Variants in KDM3A observed in about 807,000 individuals in gnomAD.
KDM3A encodes lysine demethylase 3A.
A neutral mutation model predicts 158.0 loss-of-function variants in KDM3A; 60 were observed. The observed-to-expected ratio is 0.38, with a 90% confidence interval of 0.31 to 0.47. The LOEUF (loss-of-function observed/expected upper bound fraction) is 0.47. Ranked by LOEUF, KDM3A falls within the 20% of genes least tolerant of loss-of-function variation. The probability of loss-of-function intolerance (pLI) is 0.99; values close to 1 mark genes in which losing one functional copy is unlikely to be tolerated. For synonymous variants in KDM3A, 608 were observed against 549.3 expected (o/e 1.11, Z -1.49); for missense variants, 1,319 against 1,574.3 (o/e 0.84, Z 2.74).
chr2:86,463,247 G>T (rs530149000), intron 8 of KDM3A, among the ~76,000 whole-genome samples: 77 of 152,136 alleles, frequency 5.1e-4, no homozygotes, highest in Non-Finnish European at 7.9e-4. Flanking sequence ...AAAATTTAAG[G>T]TATATAACTT....
intron 2 of KDM3A, among the ~76,000 whole-genome samples, chr2:86,444,048 C>T (rs1441790664): frequency 1.3e-5 from 2 of 152,214 alleles, no homozygotes; most frequent in Non-Finnish European, 2.9e-5. Flanking sequence ...CCTTCTGTAG[C>T]AGCAATTGAG....
At chr2:86,458,954 C>T (rs1231890664) in intron 8 of KDM3A, among the ~76,000 whole-genome samples, 1 of 151,798 alleles carries the variant, frequency 6.6e-6, no homozygotes, top group Non-Finnish European at 1.5e-5. Context: ...TGAGGTGAGG[C>T]GGTAGCTAAG....
intron 11 of KDM3A, 34 bp from the exon 12 acceptor site, chr2:86,474,742 T>TGTGTGTGTAAAA: frequency 9.2e-7 from 1 of 1,083,116 alleles, no homozygotes; most frequent in Non-Finnish European, 1.4e-6. Flanking sequence ...TGTGTGTGTG[T>TGTGTGTGTAAAA]ACATTACATC....
At chr2:86,482,333 C>A in intron 17 of KDM3A, 125 bp from the exon 18 acceptor site, 1 of 1,478,518 alleles carries the variant, frequency 6.8e-7, no homozygotes, top group Non-Finnish European at 9.1e-7. Context: ...AGGGGACGTA[C>A]CTTTTTGCCT....
Position 86,480,224 on chromosome 2 carries a change from G to A in KDM3A, c.2374G>A (p.Val792Met). ...TGCAGTGCTCCAGCAGAATCCCTCA[G>A]TGTTGGAGCCAGCAGCTGTGGGTGG... ...LGAVLQQNPS[V>M]LEPAAVGGEA... Residue 792 changes from valine (V) to methionine (M), a missense_variant, in exon 16 of 26, where the codon GTG becomes ATG. Transcript: ENST00000312912. The A allele has an allele frequency of 6.2e-7, 1 of 1,613,696 alleles. No individual in the cohort carries two copies. Among genetic ancestry groups the A allele is most frequent in the Admixed American group, 1.7e-5 (1 of 60,026 alleles).
intron 9 of KDM3A, among the ~76,000 whole-genome samples, chr2:86,465,498 C>T (rs1012795582): frequency 1.3e-5 from 2 of 152,106 alleles, no homozygotes; most frequent in East Asian, 3.9e-4. Flanking sequence ...GCTTTGAACT[C>T]CTGGGCTCAA....
intron 18 of KDM3A, 42 bp downstream of exon 18, chr2:86,482,736 C>T (rs1194668226): frequency 1.3e-6 from 2 of 1,593,586 alleles, no homozygotes; most frequent in Non-Finnish European, 8.6e-7. Flanking sequence ...TCAGAACCCC[C>T]TTCTCAGTTC....
In KDM3A at chr2:86,442,173, C is replaced by T. The variant is rs774584530; in HGVS notation, c.126C>T (p.Pro42=). ...SWDVERVAEW[P]WLSGTIRAVS... is the part of the protein sequence containing the mutation. ...ACGTGGAGCGCGTCGCCGAGTGGCC[C>T]TGGCTCTCCGGGACCATTCGAGCTG... The change falls in exon 2 of 26, where the codon CCC becomes CCT. Residue 42 remains proline, a synonymous_variant. Transcript: ENST00000312912. 1 of 1,613,962 alleles carries T rather than the reference C, an allele frequency of 6.2e-7. No homozygotes were observed. Among genetic ancestry groups the T allele is most frequent in the Non-Finnish European group, 8.5e-7 (1 of 1,180,018 alleles).
At chr2:86,462,235 A>G (rs1252992336) in intron 8 of KDM3A, among the ~76,000 whole-genome samples, 1 of 151,936 alleles carries the variant, frequency 6.6e-6, no homozygotes, top group Admixed American at 6.6e-5. Flanking sequence ...TTGATTTTAT[A>G]CAGAGTAAAA....
intron 11 of KDM3A, 34 bp from the exon 12 acceptor site, chr2:86,474,742 T>TGTGTGTAAAA: frequency 1.8e-6 from 2 of 1,083,116 alleles, no homozygotes; most frequent in Non-Finnish European, 2.8e-6. Context: ...TGTGTGTGTG[T>TGTGTGTAAAA]ACATTACATC....
At position 86,484,172 on chromosome 2, in the gene KDM3A, A is replaced by C. The variant is rs1674071102; in HGVS notation, c.3094+14A>C. 3.1e-6 allele frequency: 5 copies of C among 1,607,118 alleles called. No individual in the cohort carries two copies. The highest frequency in any genetic ancestry group is 4.3e-6 in the Non-Finnish European group (5 of 1,176,288). ...AAGATGTTCCAAGTATGTATGAAAG[A>C]TCTTTTAAGGGGGTTGGGGATGTGA... On this transcript the variant is annotated intron_variant, in intron 19 of 25. Coordinates refer to ENST00000312912, the MANE Select transcript of KDM3A (RefSeq NM_018433.6).
At chr2:86,460,126 ACT>A (rs1231801506) in intron 8 of KDM3A, among the ~76,000 whole-genome samples, 2 of 151,982 alleles carry the variant, frequency 1.3e-5, no homozygotes, top group African/African-American at 2.4e-5. Flanking sequence ...CTTCTCAGAG[ACT>A]CTCTGTTTAC....
At chr2:86,445,763 G>A (rs536400668) in intron 2 of KDM3A, among the ~76,000 whole-genome samples, 1 of 152,210 alleles carries the variant, frequency 6.6e-6, no homozygotes, top group African/African-American at 2.4e-5. Flanking sequence ...CTTCTAGCAC[G>A]GTATAAAAAC....
intron 8 of KDM3A, among the ~76,000 whole-genome samples, chr2:86,460,139 A>T (rs918730016): frequency 2.6e-5 from 4 of 152,214 alleles, no homozygotes; most frequent in African/African-American, 9.7e-5. Flanking sequence ...CTCTGTTTAC[A>T]TTTTGAAATA....
chr2:86,475,005 T>A lies in KDM3A; in HGVS notation c.1939+15T>A. The A allele has an allele frequency of 6.3e-7, 1 of 1,597,982 alleles. No individual in the cohort carries two copies. The highest frequency in any genetic ancestry group is 8.6e-7 in the Non-Finnish European group (1 of 1,167,074). On this transcript the variant is annotated intron_variant, in intron 12 of 25. Coordinates refer to ENST00000312912, the MANE Select transcript of KDM3A (RefSeq NM_018433.6). ...TGAGCCACACAGTAAGAGCATCTCT[T>A]AGGGGGTAGGATTTTCGAGCCCAAT... is the stretch of plus-strand genomic sequence containing the variant.
chr2:86,469,258 A>G (rs748728430), intron 10 of KDM3A, among the ~76,000 whole-genome samples: 12 of 152,048 alleles, frequency 7.9e-5, no homozygotes, highest in South Asian at 2.1e-4. Flanking sequence ...GGATCTTCCA[A>G]TTTTCTCCAA....
intron 6 of KDM3A, 23 bp from the exon 7 acceptor site, chr2:86,456,782 T>A: frequency 6.3e-7 from 1 of 1,583,788 alleles, no homozygotes; most frequent in African/African-American, 1.3e-5. Flanking sequence ...TTTTCCGGTA[T>A]CTTTGTTTCA....
At chr2:86,482,247 G>A (rs1160221297) in intron 17 of KDM3A, 145 bp downstream of exon 17, 1 of 1,156,816 alleles carries the variant, frequency 8.6e-7, no homozygotes, top group Middle Eastern at 2.2e-4. Context: ...CTGGAGGATG[G>A]GTTTTATGGG....
intron 4 of KDM3A, among the ~76,000 whole-genome samples, chr2:86,454,700 G>A (rs947130867): frequency 4.0e-5 from 6 of 151,852 alleles, no homozygotes; most frequent in African/African-American, 1.5e-4. Context: ...TTTGTCCCTT[G>A]GATTTGGATT....
Sources: gnomAD v4.1 joint callset for allele counts (sites outside exome capture counted in the v4.1 genomes callset) on GRCh38, gnomAD v4.1.1 for gene constraint, MANE v1.5 for transcripts, NCBI Gene and HGNC (gene_info 2026-07-23, HGNC 2026-07-21) for gene names.